UPF2: variants seen among roughly 807,000 people sequenced by gnomAD.
The protein encoded by UPF2 is regulator of nonsense transcripts 2.
Under a neutral mutation model 141.4 loss-of-function variants are expected in UPF2, and 17 were observed. The observed-to-expected ratio is 0.12, with a 90% CI of 0.08 to 0.18. The LOEUF is 0.18. Ranked by LOEUF, UPF2 falls within the 10% of genes least tolerant of loss-of-function variation. The pLI is 1.00. For synonymous variants in UPF2, 540 were observed against 498.0 expected, an observed-to-expected ratio of 1.08 and a Z score of -1.12; for missense variants, 1,152 against 1,515.9, an observed-to-expected ratio of 0.76 and a Z score of 3.99.
intron 9 of UPF2, among the ~76,000 whole-genome samples, chr10:11,968,425 C>T (rs889029404): frequency 6.6e-6 from 1 of 152,132 alleles, no homozygotes; most frequent in Non-Finnish European, 1.5e-5. Context: ...GTTAACATCC[C>T]ATTAAATTAA....
At chr10:12,040,996 T>C (rs1464140754) in intron 1 of UPF2, among the ~76,000 whole-genome samples, 2 of 152,198 alleles carry the variant, frequency 1.3e-5, no homozygotes, top group African/African-American at 2.4e-5. Context: ...AGATTATATA[T>C]ACAGCTAGTT....
chr10:11,986,300 A>G (rs745662141), intron 8 of UPF2, among the ~76,000 whole-genome samples: 3 of 152,134 alleles, frequency 2.0e-5, no homozygotes, highest in Non-Finnish European at 2.9e-5. Flanking sequence ...AAATAATAAA[A>G]TCTTGTTTAT....
At chr10:11,932,250 G>A (rs1462943288) in intron 19 of UPF2, among the ~76,000 whole-genome samples, 1 of 151,946 alleles carries the variant, frequency 6.6e-6, no homozygotes, top group South Asian at 2.1e-4. Flanking sequence ...ATAAAACAGG[G>A]TGGCCATTTT....
Position 12,024,931 on chromosome 10 carries a change from CAAAAAAAAAAAAA to C in UPF2, c.1145+3801_1145+3813del, listed in dbSNP as rs61678431. Among the ~76,000 whole-genome samples, 15 of 53,488 alleles carry C rather than the reference CAAAAAAAAAAAAA, an allele frequency of 2.8e-4. No homozygotes were observed. The South Asian group carries it at 0.014, about 50-fold the overall frequency. 35.1% of individuals were successfully genotyped at this position (53,488 alleles called of 152,430 possible). On this transcript the variant is annotated intron_variant, in intron 3 of 21. Coordinates refer to ENST00000357604, the MANE Select transcript of UPF2 (RefSeq NM_015542.4). ...CCCAGGTAAGAGGGAGACCCTGTTA[CAAAAAAAAAAAAA>C]AAAAAAAAAAAAACACAGCTACTGG...
intron 12 of UPF2, among the ~76,000 whole-genome samples, chr10:11,957,900 G>A (rs1267552041): frequency 6.6e-6 from 1 of 152,200 alleles, no homozygotes; most frequent in Non-Finnish European, 1.5e-5. Flanking sequence ...CCCTTAAGGT[G>A]GAGGACACTG....
Position 11,955,322 on chromosome 10 carries a change from T to C in UPF2, c.2760A>G (p.Arg920=). ...ATGTGTCCAGAATAGTGCATACGAG[T>C]CTAATTCTGAAAAGATGCTCAGGTG... The part of the protein sequence containing the change: ...LDPPEHLFRI[R]LVCTILDTCG... The change falls in exon 14 of 22, where the codon AGA becomes AGG. Residue 920 remains arginine (R), a synonymous_variant. Coordinates refer to ENST00000357604, the MANE Select transcript of UPF2 (RefSeq NM_015542.4). 2 of 1,614,024 alleles carry C rather than the reference T, an allele frequency of 1.2e-6. No homozygotes were observed. The highest frequency in any genetic ancestry group is 1.7e-6 in the Non-Finnish European group (2 of 1,179,988).
chr10:11,972,105 A>C (rs117676808), intron 9 of UPF2, among the ~76,000 whole-genome samples: 5 of 151,846 alleles, frequency 3.3e-5, no homozygotes, highest in Middle Eastern at 6.8e-3. Flanking sequence ...CACTCTTCAG[A>C]TATGTCAACA....
At chr10:11,946,506 A>C (rs539960861) in intron 16 of UPF2, among the ~76,000 whole-genome samples, 2 of 152,230 alleles carry the variant, frequency 1.3e-5, no homozygotes, top group Non-Finnish European at 2.9e-5. Flanking sequence ...AAATTTCCCC[A>C]AAACACTTAA....
Position 12,001,844 on chromosome 10 carries a change from G to A in UPF2, c.1505-19C>T, listed in dbSNP as rs559145941. ...TTTGCCTCTGTTGAAAAACAAACAA[G>A]TATACCTAAATTCAAAGTCATATGA... On this transcript the variant is annotated intron_variant, in intron 5 of 21. Transcript: ENST00000357604. 7 of 1,564,306 alleles carry A rather than the reference G, an allele frequency of 4.5e-6. No individual in the cohort carries two copies. The East Asian group carries it at 6.9e-5, about 15-fold the overall frequency.
chr10:11,964,343 C>A (rs1353590946), intron 10 of UPF2, among the ~76,000 whole-genome samples: 1 of 152,092 alleles, frequency 6.6e-6, no homozygotes, highest in Non-Finnish European at 1.5e-5. Flanking sequence ...TATGTGGAAA[C>A]GAATGTCAAA....
At chr10:11,944,691 C>T (rs1832979505) in intron 16 of UPF2, among the ~76,000 whole-genome samples, 1 of 152,176 alleles carries the variant, frequency 6.6e-6, no homozygotes, top group African/African-American at 2.4e-5. Context: ...ATTAACTTTT[C>T]CCCTCTCTCC....
chr10:11,931,834 A>G lies in UPF2; in HGVS notation c.3547-52T>C. 1.3e-6 allele frequency: 2 copies of G among 1,550,558 alleles called. No individual in the cohort carries two copies. The highest frequency in any genetic ancestry group is 1.7e-6 in the Non-Finnish European group (2 of 1,151,988). On this transcript the variant is annotated intron_variant, in intron 19 of 21. Transcript: ENST00000357604. This position sits in a 1 kb window ranked among gnomAD's most constrained non-coding sequence, Gnocchi z 5.9. The stretch of plus-strand genomic sequence containing the variant: ...AAATAGTTTGAGAACACTGAGAGAA[A>G]GAAAAAACAGACTTCAAATAAAATA...
chr10:11,953,638 T>G lies in UPF2; in HGVS notation c.2851-1389A>C, dbSNP rs1833105762. The stretch of plus-strand genomic sequence containing the variant: ...CGAAAGGATTCTCTTCTGAGAGAGA[T>G]TCTACTTTGGATGCTGTTATAGCTG... On this transcript the variant is annotated intron_variant, in intron 14 of 21. Coordinates refer to ENST00000357604, the MANE Select transcript of UPF2 (RefSeq NM_015542.4). The surrounding 1 kb of genome is among the most constrained non-coding windows in gnomAD (Gnocchi z 5.0). Among the ~76,000 whole-genome samples, 1 of 152,266 alleles carries G rather than the reference T, an allele frequency of 6.6e-6. No individual in the cohort carries two copies.
chr10:11,920,121 TTTTG>T lies in UPF2; in HGVS notation c.*1173_*1176del, dbSNP rs1248640923. On this transcript the variant is annotated 3_prime_UTR_variant, in exon 22 of 22. Transcript: ENST00000357604. ...ATGTGAAATGTTACAACTTTACAAGTTTTGTTTTTTATTTAAATCTACATGCAGA... is the reference window on the plus strand; with the variant it reads ...ATGTGAAATGTTACAACTTTACAAGTTTTTTTATTTAAATCTACATGCAGA... 1 of 152,158 alleles carries T rather than the reference TTTTG, an allele frequency of 6.6e-6. No homozygotes were observed. Among genetic ancestry groups the T allele is most frequent in the Non-Finnish European group, 1.5e-5 (1 of 68,036 alleles). The allele number at this position is 152,158 out of a possible 1,614,324, so 9.4% of individuals were successfully genotyped here.
In UPF2 at chr10:12,029,455, A is replaced by T; in HGVS notation, c.435T>A (p.Arg145=). 6.2e-7 allele frequency: 1 copy of T among 1,613,072 alleles called. No individual in the cohort carries two copies. Among genetic ancestry groups the T allele is most frequent in the Non-Finnish European group, 8.5e-7 (1 of 1,179,830 alleles). ...WERHHLRKEL[R]SKNQNAPDSR... ...TGTCCGGAGCATTTTGGTTTTTGCT[A>T]CGAAGTTCCTTTCTTAAATGATGTC... The change falls in exon 3 of 22, where the codon CGT becomes CGA. Residue 145 remains arginine (R), a synonymous_variant. Coordinates refer to ENST00000357604, the MANE Select transcript of UPF2 (RefSeq NM_015542.4).
At position 11,970,289 on chromosome 10, in the gene UPF2, G is replaced by A. The variant is rs181178432; in HGVS notation, c.1954-2835C>T. On this transcript the variant is annotated intron_variant, in intron 9 of 21. Coordinates refer to ENST00000357604, the MANE Select transcript of UPF2 (RefSeq NM_015542.4). ...TTTAATGACAGGGTAAAATGCTTCC[G>A]AGAAATAACAGAAAATTATACATAA... Among the ~76,000 whole-genome samples the A allele has an allele frequency of 8.6e-5, 13 of 151,982 alleles. No homozygotes were observed. The East Asian group carries it at 1.2e-3, about 14-fold the overall frequency.
At chr10:11,923,596 C>T (rs1317939990) in intron 21 of UPF2, among the ~76,000 whole-genome samples, 3 of 150,840 alleles carry the variant, frequency 2.0e-5, no homozygotes, top group Non-Finnish European at 4.4e-5. Context: ...CAGAGAATTG[C>T]TTGAACCCGG....
chr10:11,976,383 A>T (rs1315208099), intron 9 of UPF2, among the ~76,000 whole-genome samples: 1 of 152,212 alleles, frequency 6.6e-6, no homozygotes, highest in African/African-American at 2.4e-5. Context: ...GTTCTTTTAG[A>T]AGACAGCATC....
rs1833199033 is a variant in UPF2 at position 11,959,054 on chromosome 10, C to T, written c.2370+117G>A. ...GAATTCCTTCTTAGGGTGACTTACA[C>T]AGAGCTGATTATAAAGGAACTTGAG... On this transcript the variant is annotated intron_variant, in intron 12 of 21. Coordinates refer to ENST00000357604, the MANE Select transcript of UPF2 (RefSeq NM_015542.4). The surrounding 1 kb of genome is among the most constrained non-coding windows in gnomAD (Gnocchi z 5.9). 3.2e-6 allele frequency: 3 copies of T among 927,920 alleles called. No homozygotes were observed. The highest frequency in any genetic ancestry group is 4.5e-6 in the Non-Finnish European group (3 of 667,948). The allele number at this position is 927,920 out of a possible 1,614,324, so 57.5% of individuals were successfully genotyped here.
Sources: gnomAD v4.1 joint callset for allele counts (sites outside exome capture counted in the v4.1 genomes callset) on GRCh38, gnomAD v4.1.1 for gene constraint, Gnocchi (gnomAD v3.1) non-coding constraint, MANE v1.5 for transcripts, NCBI Gene and HGNC (gene_info 2026-07-23, HGNC 2026-07-21) for gene names.